The following RNF24 variants were observed in gnomAD, a reference collection of about 807,000 sequenced individuals.
RNF24 encodes ring finger protein 24.
A neutral mutation model predicts 20.0 loss-of-function variants in RNF24; 14 were observed. The observed-to-expected ratio is 0.70, with a 90% CI of 0.46 to 1.10. The LOEUF is 1.10. Ranked by LOEUF, RNF24 falls within the 50% of genes least tolerant of loss-of-function variation. The pLI, the probability that RNF24 is intolerant of heterozygous loss-of-function variation, is 0.00. For missense variants in RNF24, 124 were observed against 177.6 expected (o/e 0.70, Z 1.71); for synonymous variants, 45 against 61.1 (o/e 0.74, Z 1.23).
In RNF24 at chr20:3,928,151, A is replaced by C. The variant is rs1002354722; in HGVS notation, c.*5912T>G. The C allele has an allele frequency of 2.6e-5, 4 of 151,862 alleles. No homozygotes were observed. The highest frequency in any genetic ancestry group is 9.7e-5 in the African/African-American group (4 of 41,334). 9.4% of individuals were successfully genotyped at this position (151,862 alleles called of 1,614,324 possible). A position where few individuals can be genotyped will look rare whatever the true frequency, so the allele number is the denominator to read the frequency against. Reference sequence around the variant, plus strand: ...ATCTGGACATGTCCATCTGCTTAAGAAATCTGCTTAAGAAATCTGTAACAG... The same window carrying C: ...ATCTGGACATGTCCATCTGCTTAAGCAATCTGCTTAAGAAATCTGTAACAG... On this transcript the variant is annotated 3_prime_UTR_variant, in exon 6 of 6. Coordinates refer to ENST00000358395, the MANE Select transcript of RNF24 (RefSeq NM_001134337.3).
chr20:3,961,172 T>C (rs1230932297), intron 2 of RNF24, among the ~76,000 whole-genome samples: 1 of 152,122 alleles, frequency 6.6e-6, no homozygotes, highest in Non-Finnish European at 1.5e-5. Flanking sequence ...GAGGCAGAGC[T>C]GGGAGGACTG....
intron 1 of RNF24, among the ~76,000 whole-genome samples, chr20:3,990,260 C>A (rs1455710189): frequency 6.6e-6 from 1 of 152,088 alleles, no homozygotes; most frequent in African/African-American, 2.4e-5. Flanking sequence ...CAAAAAAAAT[C>A]CACAGAAACT....
At chr20:4,008,762 G>A (rs1982192774) in intron 1 of RNF24, among the ~76,000 whole-genome samples, 1 of 150,854 alleles carries the variant, frequency 6.6e-6, no homozygotes. Flanking sequence ...GGCCAGGCTG[G>A]TCTTGAACTC....
At chr20:3,958,905 G>A (rs182225036) in intron 2 of RNF24, among the ~76,000 whole-genome samples, 2 of 152,082 alleles carry the variant, frequency 1.3e-5, no homozygotes, top group South Asian at 4.1e-4. Flanking sequence ...GTCTCCCAAA[G>A]TGCTGGGATT....
At chr20:3,942,855 T>G (rs2090974019) in intron 4 of RNF24, among the ~76,000 whole-genome samples, 1 of 151,614 alleles carries the variant, frequency 6.6e-6, no homozygotes, top group African/African-American at 2.4e-5. Context: ...TCATTCTTGT[T>G]GCCCATGCTG....
rs1238848329 is a variant in RNF24 at position 3,934,508 on chromosome 20, T to C, written c.309-307A>G. 6.6e-6 allele frequency among the ~76,000 whole-genome samples: 1 copy of C among 152,110 alleles called. No individual in the cohort carries two copies. ...GACTTCTTACAAGAACAAAATACAC[T>C]GAGCAGGGATGTGAGAAGTAGGAAA... On this transcript the variant is annotated intron_variant, in intron 5 of 5. Transcript: ENST00000358395. The surrounding 1 kb of genome is among the most constrained non-coding windows in gnomAD (Gnocchi z 4.0).
At chr20:3,952,152 GA>G (rs59341739) in intron 2 of RNF24, among the ~76,000 whole-genome samples, 25,083 of 133,524 alleles carry the variant, frequency 0.19, 2,353 homozygotes, top group African/African-American at 0.28. Context: ...ATTTCCACCA[GA>G]AAAAAAAAAA....
chr20:4,000,290 G>A (rs1981282409), intron 1 of RNF24, among the ~76,000 whole-genome samples: 2 of 152,158 alleles, frequency 1.3e-5, no homozygotes, highest in South Asian at 2.1e-4. Flanking sequence ...TTGGGAGGCC[G>A]AGGTGGGTGG....
chr20:4,010,454 C>A (rs1282600882), intron 1 of RNF24, among the ~76,000 whole-genome samples: 1 of 152,160 alleles, frequency 6.6e-6, no homozygotes, highest in Non-Finnish European at 1.5e-5. Context: ...TTATGCAGCT[C>A]CTTTTGCTTC....
chr20:3,984,267 T>C (rs1284711838), intron 1 of RNF24, among the ~76,000 whole-genome samples: 2 of 152,086 alleles, frequency 1.3e-5, no homozygotes, highest in Non-Finnish European at 2.9e-5. Flanking sequence ...AAGAAAGCTT[T>C]TGGCAAATTA....
chr20:4,013,667 T>A (rs2122180696), intron 1 of RNF24, among the ~76,000 whole-genome samples: 1 of 152,162 alleles, frequency 6.6e-6, no homozygotes, highest in East Asian at 1.9e-4. Context: ...ATTTTTTTAG[T>A]AGAGACAGGG....
At chr20:3,998,888 T>C (rs1372708933) in intron 1 of RNF24, among the ~76,000 whole-genome samples, 2 of 150,664 alleles carry the variant, frequency 1.3e-5, no homozygotes, top group Non-Finnish European at 3.0e-5. Flanking sequence ...AAGACCAGCA[T>C]GGTCATCATG....
intron 1 of RNF24, among the ~76,000 whole-genome samples, chr20:4,014,468 G>A (rs1340928741): frequency 6.6e-6 from 1 of 152,146 alleles, no homozygotes; most frequent in Non-Finnish European, 1.5e-5. Context: ...GTACGGTGGA[G>A]TATTCCTATG....
rs1860139654 is a variant in RNF24 at position 3,931,004 on chromosome 20, C to CAAAG, written c.*3055_*3058dup. ...ACAGGCCTAACCAAATCACACGTGGCAAAGAAAAGCAGCAGATGTCAACTT... is the reference window on the plus strand; with the variant it reads ...ACAGGCCTAACCAAATCACACGTGGCAAAGAAAGAAAAGCAGCAGATGTCAACTT... On this transcript the variant is annotated 3_prime_UTR_variant, in exon 6 of 6. Transcript: ENST00000358395. 6.6e-6 allele frequency: 1 copy of CAAAG among 152,226 alleles called. No individual in the cohort carries two copies. The allele number at this position is 152,226 out of a possible 1,614,324, so 9.4% of individuals were successfully genotyped here.
At chr20:3,955,167 ATTGT>A (rs1251120270) in intron 2 of RNF24, among the ~76,000 whole-genome samples, 1 of 152,162 alleles carries the variant, frequency 6.6e-6, no homozygotes, top group Non-Finnish European at 1.5e-5. Flanking sequence ...TCTTTGGAGA[ATTGT>A]TTAAGTCTTT....
At chr20:3,974,396 A>C (rs1372889415) in intron 1 of RNF24, 20 of 1,547,694 alleles carry the variant, frequency 1.3e-5, no homozygotes, top group Non-Finnish European at 1.7e-5. Flanking sequence ...ATAGTGCTGG[A>C]AGTTCTAGCC....
chr20:3,963,759 A>T, intron 2 of RNF24, 116 bp downstream of exon 2: 1 of 749,776 alleles, frequency 1.3e-6, no homozygotes, highest in Non-Finnish European at 2.1e-6. Context: ...AAGCCATCTT[A>T]ATTTTTTAAA....
intron 1 of RNF24, among the ~76,000 whole-genome samples, chr20:3,964,574 G>A (rs187675535): frequency 6.6e-6 from 1 of 152,164 alleles, no homozygotes; most frequent in Non-Finnish European, 1.5e-5. Context: ...CCAGGCTGGA[G>A]TGCAATGGTG....
At chr20:3,996,139 G>A (rs949346160) in intron 1 of RNF24, among the ~76,000 whole-genome samples, 2 of 152,140 alleles carry the variant, frequency 1.3e-5, no homozygotes, top group Non-Finnish European at 2.9e-5. Context: ...GTCACAGTAC[G>A]TCAAGAGTTG....
Sources: allele counts gnomAD v4.1 joint callset (sites outside exome capture counted in the v4.1 genomes callset), GRCh38; gene constraint gnomAD v4.1.1; non-coding constraint Gnocchi (gnomAD v3.1); transcripts MANE v1.5; gene names NCBI Gene and HGNC (gene_info 2026-07-23, HGNC 2026-07-21).